SLC44A5: variants seen among roughly 807,000 people sequenced by gnomAD.
SLC44A5 encodes the protein solute carrier family 44 member 5.
A neutral mutation model predicts 101.8 loss-of-function variants in SLC44A5; 57 were observed. The observed-to-expected ratio is 0.56, with a 90% CI of 0.45 to 0.70. The LOEUF (loss-of-function observed/expected upper bound fraction) is 0.70. Among genes scored for constraint, SLC44A5 ranks in the 30% least tolerant of loss-of-function variants. The probability of loss-of-function intolerance (pLI) is 0.00; values close to 1 mark genes in which losing one functional copy is unlikely to be tolerated. For missense variants in SLC44A5, 737 were observed against 853.1 expected (o/e 0.86, Z 1.70); for synonymous variants, 281 against 290.9 (o/e 0.97, Z 0.35).
chr1:75,577,699 T>C (rs754416749), intron 1 of SLC44A5, among the ~76,000 whole-genome samples: 1 of 152,316 alleles, frequency 6.6e-6, no homozygotes, highest in East Asian at 1.9e-4. Context: ...TTATTTTGTG[T>C]CTTCTCCCCC....
chr1:75,709,219 C>T, the SLC44A5 span, among the ~76,000 whole-genome samples: 1 of 152,170 alleles, frequency 6.6e-6, no homozygotes, highest in Non-Finnish European at 1.5e-5. Context: ...CAAATGTATG[C>T]AAGTCCCTCA....
chr1:75,610,750 G>C (rs1675611071), intron 1 of SLC44A5, among the ~76,000 whole-genome samples: 1 of 152,026 alleles, frequency 6.6e-6, no homozygotes, highest in South Asian at 2.1e-4. Flanking sequence ...AGATACATAA[G>C]TGTAACTGGA....
intron 2 of SLC44A5, among the ~76,000 whole-genome samples, chr1:75,508,446 GAAC>G (rs1669388194): frequency 1.3e-5 from 2 of 152,120 alleles, no homozygotes; most frequent in East Asian, 1.9e-4. Flanking sequence ...AGAGGAACCA[GAAC>G]AACAAGGACA....
At chr1:75,486,518 A>T (rs140444767) in intron 2 of SLC44A5, among the ~76,000 whole-genome samples, 93 of 152,376 alleles carry the variant, frequency 6.1e-4, no homozygotes, top group African/African-American at 2.0e-3. Context: ...TCTTTAAAGA[A>T]GGTAACTATT....
intron 2 of SLC44A5, among the ~76,000 whole-genome samples, chr1:75,508,456 G>C (rs947057707): frequency 1.3e-5 from 2 of 151,796 alleles, no homozygotes; most frequent in Non-Finnish European, 2.9e-5. Flanking sequence ...GAACAACAAG[G>C]ACAAACTAAC....
intron 3 of SLC44A5, among the ~76,000 whole-genome samples, chr1:75,360,548 A>G (rs1053232289): frequency 4.6e-5 from 7 of 152,170 alleles, no homozygotes; most frequent in African/African-American, 1.7e-4. Context: ...TCCCAACACT[A>G]CTTATCAAAG....
the SLC44A5 span, among the ~76,000 whole-genome samples, chr1:75,708,427 A>AAG: frequency 6.7e-6 from 1 of 148,278 alleles, no homozygotes; most frequent in African/African-American, 2.4e-5. Flanking sequence ...AAAAAAAAAA[A>AAG]AAAAAAAAAA....
intron 5 of SLC44A5, among the ~76,000 whole-genome samples, chr1:75,291,379 C>A (rs1439088246): frequency 6.6e-6 from 1 of 152,100 alleles, no homozygotes; most frequent in African/African-American, 2.4e-5. Context: ...TCAGCACCAA[C>A]CTAGAACCTG....
chr1:75,212,600 C>T (rs1646880608), intron 22 of SLC44A5, among the ~76,000 whole-genome samples: 1 of 151,952 alleles, frequency 6.6e-6, no homozygotes. Context: ...TAATTGATGA[C>T]CTGCTCATTT....
chr1:75,280,649 G>A (rs948495554), intron 5 of SLC44A5, among the ~76,000 whole-genome samples: 4 of 150,658 alleles, frequency 2.7e-5, no homozygotes, highest in African/African-American at 9.8e-5. Context: ...TTGGAAGAGG[G>A]ATCTCGTGGG....
At chr1:75,208,404 C>T (rs369638309) in intron 23 of SLC44A5, among the ~76,000 whole-genome samples, 78 of 152,300 alleles carry the variant, frequency 5.1e-4, no homozygotes, top group Non-Finnish European at 7.1e-4. Context: ...AGTGATCTGC[C>T]GGCCTCGGCC....
intron 19 of SLC44A5, among the ~76,000 whole-genome samples, chr1:75,215,375 T>C (rs1387002692): frequency 2.0e-5 from 3 of 152,134 alleles, no homozygotes; most frequent in Admixed American, 2.0e-4. Context: ...ATAAGACCCT[T>C]CTTTAAAATT....
the SLC44A5 span, among the ~76,000 whole-genome samples, chr1:75,693,984 G>GT: frequency 6.6e-6 from 1 of 151,764 alleles, no homozygotes; most frequent in Admixed American, 6.6e-5. Context: ...TCCATACAGT[G>GT]TAAGTCTTGA....
chr1:75,657,752 A>G, the SLC44A5 span, among the ~76,000 whole-genome samples: 6 of 152,242 alleles, frequency 3.9e-5, no homozygotes, highest in African/African-American at 1.4e-4. Context: ...TGCCCCCAAC[A>G]TTGGAGCACT....
At chr1:75,703,867 T>C in the SLC44A5 span, among the ~76,000 whole-genome samples, 2 of 151,594 alleles carry the variant, frequency 1.3e-5, no homozygotes, top group Admixed American at 6.6e-5. Flanking sequence ...AATCAACAAA[T>C]TAGCAAAATA....
chr1:75,591,913 C>A (rs1218973202), intron 1 of SLC44A5, among the ~76,000 whole-genome samples: 4 of 151,844 alleles, frequency 2.6e-5, no homozygotes, highest in Non-Finnish European at 5.9e-5. Context: ...GACAGATCCA[C>A]AGCTAGTGTC....
At chr1:75,700,796 T>TAG in the SLC44A5 span, among the ~76,000 whole-genome samples, 1 of 151,964 alleles carries the variant, frequency 6.6e-6, no homozygotes, top group Non-Finnish European at 1.5e-5. Flanking sequence ...AAGAATCAAA[T>TAG]ACATGCAATA....
At chr1:75,312,840 G>A (rs1352267286) in intron 4 of SLC44A5, among the ~76,000 whole-genome samples, 1 of 151,980 alleles carries the variant, frequency 6.6e-6, no homozygotes, top group Non-Finnish European at 1.5e-5. Flanking sequence ...TATGTTAAAG[G>A]ACTTGACAGT....
intron 2 of SLC44A5, among the ~76,000 whole-genome samples, chr1:75,477,783 A>G (rs1364477423): frequency 1.3e-5 from 2 of 152,202 alleles, no homozygotes; most frequent in Admixed American, 6.5e-5. Context: ...TGACTGGTGT[A>G]CCTGAAAGTG....
Sources: gnomAD v4.1 joint callset for allele counts (sites outside exome capture counted in the v4.1 genomes callset) on GRCh38, gnomAD v4.1.1 for gene constraint, MANE v1.5 for transcripts, NCBI Gene and HGNC (gene_info 2026-07-23, HGNC 2026-07-21) for gene names.